PXN: variants seen among roughly 807,000 people sequenced by gnomAD.
PXN encodes paxillin.
PXN carries 61 observed loss-of-function variants against 103.6 expected under a neutral mutation model. The ratio of observed to expected loss-of-function variants is 0.59; its 90% confidence interval spans 0.48 to 0.73. The LOEUF is 0.73. Among genes scored for constraint, PXN ranks in the 30% least tolerant of loss-of-function variants. The pLI is 0.00. For synonymous variants in PXN, 562 were observed against 607.8 expected (o/e 0.92, Z 1.11); for missense variants, 1,274 against 1,460.3 (o/e 0.87, Z 2.08).
chr12:120,212,687 C>A lies in PXN; in HGVS notation c.2980-107G>T. Reference sequence around the variant, plus strand: ...GTCGGCACGCTCGGAGTGACTCCTACTTGCTAGGCGTTTCCCATGTGCCGT... The same window carrying A: ...GTCGGCACGCTCGGAGTGACTCCTAATTGCTAGGCGTTTCCCATGTGCCGT... On this transcript the variant is annotated intron_variant, in intron 14 of 14. Coordinates refer to ENST00000637617, the MANE Select transcript of PXN (RefSeq NM_001385981.1). The surrounding 1 kb of genome is among the most constrained non-coding windows in gnomAD (Gnocchi z 7.2). The A allele has an allele frequency of 7.5e-7, 1 of 1,328,148 alleles. No homozygotes were observed. The highest frequency in any genetic ancestry group is 1.0e-6 in the Non-Finnish European group (1 of 968,980). 82.3% of individuals were successfully genotyped at this position (1,328,148 alleles called of 1,614,324 possible). A position where few individuals can be genotyped will look rare whatever the true frequency, so the allele number is the denominator to read the frequency against.
chr12:120,212,092 C>T lies in PXN; in HGVS notation c.*222G>A. 2.6e-6 allele frequency: 2 copies of T among 768,860 alleles called. No individual in the cohort carries two copies. Among genetic ancestry groups the T allele is most frequent in the Admixed American group, 1.8e-5 (1 of 57,030 alleles). 47.6% of individuals were successfully genotyped at this position (768,860 alleles called of 1,614,324 possible). On this transcript the variant is annotated 3_prime_UTR_variant, in exon 15 of 15. Transcript: ENST00000637617. This position sits in a 1 kb window ranked among gnomAD's most constrained non-coding sequence, Gnocchi z 7.2. ...CTGGGGAGGATGGAGAGTGGGCAGC[C>T]TAGGGAGAGCTACAGGAGGGAGGAG...
intron 1 of PXN, among the ~76,000 whole-genome samples, chr12:120,230,534 A>C (rs960922015): frequency 6.6e-6 from 1 of 152,106 alleles, no homozygotes; most frequent in Admixed American, 6.5e-5. Flanking sequence ...CTATGTAAAC[A>C]GCAGGACCAG....
rs746047714 is a variant in PXN, at chr12:120,222,923, G to C, written c.433C>G (p.Leu145Val). ...TTCAGTTCCAGCAGCAGGCGGTCGAGTTCAGAAAGGTTGCTGCCCAGGGAC... is the reference window on the plus strand; with the variant it reads ...TTCAGTTCCAGCAGCAGGCGGTCGACTTCAGAAAGGTTGCTGCCCAGGGAC... ...STSLGSNLSE[L>V]DRLLLELNAV... The change falls in exon 4 of 15, where the codon CTC becomes GTC. Residue 145 changes from leucine to valine, a missense_variant. Physicochemically the swap from Leu to Val is conservative, Grantham distance 32. Around this residue, in one of 2 missense-constraint regions of PXN, gnomAD observed 1,178 missense variants for 1,309.0 expected, o/e 0.90. Transcript: ENST00000637617. This position sits in a 1 kb window ranked among gnomAD's most constrained non-coding sequence, Gnocchi z 4.7. 1.2e-6 allele frequency: 2 copies of C among 1,614,006 alleles called. No homozygotes were observed. Among genetic ancestry groups the C allele is most frequent in the African/African-American group, 1.3e-5 (1 of 75,072 alleles).
At position 120,224,082 on chromosome 12, in the gene PXN, GC is replaced by G. The variant is rs1566391557; in HGVS notation, c.240+68del. On this transcript the variant is annotated intron_variant, in intron 2 of 14. Transcript: ENST00000637617. This position sits in a 1 kb window ranked among gnomAD's most constrained non-coding sequence, Gnocchi z 5.0. ...TCCATTCCATCCCCTGGCTCCCTAAGCCCCTGCCAGCTAAGTTCCCTCTGTC... is the reference window on the plus strand; with the variant it reads ...TCCATTCCATCCCCTGGCTCCCTAAGCCCTGCCAGCTAAGTTCCCTCTGTC... The G allele has an allele frequency of 7.8e-7, 1 of 1,287,506 alleles. No individual in the cohort carries two copies. The highest frequency in any genetic ancestry group is 1.1e-6 in the Non-Finnish European group (1 of 937,172). 79.8% of individuals were successfully genotyped at this position (1,287,506 alleles called of 1,614,324 possible).
At position 120,214,938 on chromosome 12, in the gene PXN, C is replaced by G; in HGVS notation, c.2635G>C (p.Glu879Gln). Reference protein sequence around the residue: ...PEHFVCTHCQEEIGSRNFFER... With the variant: ...PEHFVCTHCQQEIGSRNFFER... ...AAGAAGTTCCGGGATCCGATCTCCT[C>G]CTGGCAGTGGGTGCAGACGAAGTGC... Residue 879 changes from glutamate to glutamine, a missense_variant, in exon 12 of 15, where the codon GAG (glutamate) becomes CAG (glutamine). Physicochemically the swap from Glu to Gln is conservative, Grantham distance 29 (BLOSUM62 2). This residue lies in a region of PXN where 1,178 missense variants were observed against 1,309.0 expected (regional missense o/e 0.90). Coordinates refer to ENST00000637617, the MANE Select transcript of PXN (RefSeq NM_001385981.1). The surrounding 1 kb of genome is among the most constrained non-coding windows in gnomAD (Gnocchi z 5.0). The G allele has an allele frequency of 6.2e-7, 1 of 1,614,042 alleles. No homozygotes were observed.
Position 120,219,601 on chromosome 12 carries a change from G to T in PXN, c.1322C>A (p.Ser441Ter). 1.3e-6 allele frequency: 2 copies of T among 1,565,318 alleles called. No individual in the cohort carries two copies. The change falls in exon 7 of 15, where the codon TCG (serine) becomes TAG (stop). Residue 441 changes from serine to a stop codon, truncating the protein, a stop_gained. Coordinates refer to ENST00000637617, the MANE Select transcript of PXN (RefSeq NM_001385981.1). LOFTEE classifies it high-confidence loss of function. The surrounding 1 kb of genome is among the most constrained non-coding windows in gnomAD (Gnocchi z 6.5). ...CATTCTCTCAGGCCCGAATACCTCCGAAGCCCATGGCTGCTCCCATGTGGC... is the reference window on the plus strand; with the variant it reads ...CATTCTCTCAGGCCCGAATACCTCCTAAGCCCATGGCTGCTCCCATGTGGC... Reference protein sequence around the residue: ...LAATWEQPWASEVFGPERMPP... With the variant: ...LAATWEQPWA
Position 120,219,890 on chromosome 12 carries a change from C to T in PXN, c.1033G>A (p.Ala345Thr). 4 of 1,598,406 alleles carry T rather than the reference C, an allele frequency of 2.5e-6. No homozygotes were observed. The highest frequency in any genetic ancestry group is 2.5e-6 in the Non-Finnish European group (3 of 1,179,782). Residue 345 changes from alanine to threonine, a missense_variant, in exon 7 of 15, where the codon GCC (alanine) becomes ACC (threonine). Physicochemically the swap from Ala to Thr is moderately conservative, Grantham distance 58. This residue lies in a region of PXN where 1,178 missense variants were observed against 1,309.0 expected (regional missense o/e 0.90). Coordinates refer to ENST00000637617, the MANE Select transcript of PXN (RefSeq NM_001385981.1). The surrounding 1 kb of genome is among the most constrained non-coding windows in gnomAD (Gnocchi z 6.5). ...QSGRGLLPPVAPSWLDLAGLG... is the reference protein window; with the variant it reads ...QSGRGLLPPVTPSWLDLAGLG... ...CCAGCCAAATCAAGCCAGCTGGGGG[C>T]TACAGGAGGTAGAAGGCCTCGTCCA...
At position 120,219,756 on chromosome 12, in the gene PXN, G is replaced by T. The variant is rs1269198931; in HGVS notation, c.1167C>A (p.Thr389=). 1 of 1,597,552 alleles carries T rather than the reference G, an allele frequency of 6.3e-7. No individual in the cohort carries two copies. Among genetic ancestry groups the T allele is most frequent in the African/African-American group, 1.3e-5 (1 of 75,020 alleles). ...SQGRDWRHLP[T]ITSELSGAPR... is the part of the protein sequence containing the mutation. ...GAGCCCCAGAGAGCTCACTTGTGAT[G>T]GTCGGCAGGTGCCTCCAATCTCGAC... The change falls in exon 7 of 15, where the codon ACC becomes ACA. Residue 389 remains threonine, a synonymous_variant. Coordinates refer to ENST00000637617, the MANE Select transcript of PXN (RefSeq NM_001385981.1). The surrounding 1 kb of genome is among the most constrained non-coding windows in gnomAD (Gnocchi z 6.5).
intron 1 of PXN, among the ~76,000 whole-genome samples, chr12:120,243,411 C>T (rs1151827): frequency 0.27 from 40,656 of 152,024 alleles, 7,865 homozygotes; most frequent in East Asian, 0.56. Flanking sequence ...AACAAAAGGC[C>T]GGGCATGGTG....
intron 1 of PXN, among the ~76,000 whole-genome samples, chr12:120,239,213 G>A (rs1172175126): frequency 2.0e-5 from 3 of 152,124 alleles, no homozygotes; most frequent in Non-Finnish European, 2.9e-5. Flanking sequence ...TTGGGAGCCC[G>A]AGGCCAACGG....
chr12:120,235,449 C>T (rs572065343), intron 1 of PXN, among the ~76,000 whole-genome samples: 4 of 152,236 alleles, frequency 2.6e-5, no homozygotes, highest in East Asian at 3.9e-4. Context: ...TAAGGCCCCA[C>T]GAGGACTGCG....
chr12:120,216,467 GAGA>G lies in PXN; in HGVS notation c.2104_2106del (p.Ser702del). ...GAGGAGGCGAGCAGGCTGGGCAGGG[GAGA>G]AGAGCTGCTGGCCGCGGCGTCTGTG... On this transcript the variant is annotated inframe_deletion, in exon 9 of 15. Coordinates refer to ENST00000637617, the MANE Select transcript of PXN (RefSeq NM_001385981.1). This position sits in a 1 kb window ranked among gnomAD's most constrained non-coding sequence, Gnocchi z 5.1. The G allele has an allele frequency of 7.2e-7, 1 of 1,386,632 alleles. No individual in the cohort carries two copies. The highest frequency in any genetic ancestry group is 9.3e-7 in the Non-Finnish European group (1 of 1,079,972). 85.9% of individuals were successfully genotyped at this position (1,386,632 alleles called of 1,614,324 possible).
Position 120,211,976 on chromosome 12 carries a change from T to G in PXN, c.*338A>C. ...CTGCCCCCCGGCTGCACTGCTGAAATATGAGGAAGAGATGGCTCCAGTGTG... is the reference window on the plus strand; with the variant it reads ...CTGCCCCCCGGCTGCACTGCTGAAAGATGAGGAAGAGATGGCTCCAGTGTG... On this transcript the variant is annotated 3_prime_UTR_variant, in exon 15 of 15. Transcript: ENST00000637617. 2 of 579,190 alleles carry G rather than the reference T, an allele frequency of 3.5e-6. No homozygotes were observed. The highest frequency in any genetic ancestry group is 4.3e-5 in the East Asian group (1 of 23,368). 35.9% of individuals were successfully genotyped at this position (579,190 alleles called of 1,614,324 possible). A position where few individuals can be genotyped will look rare whatever the true frequency, so the allele number is the denominator to read the frequency against.
intron 1 of PXN, among the ~76,000 whole-genome samples, chr12:120,245,860 C>T (rs12164847): frequency 0.15 from 22,520 of 149,158 alleles, 1,987 homozygotes; most frequent in East Asian, 0.45. Flanking sequence ...AGGTGGACTA[C>T]ATAGTACGGG....
At chr12:120,237,531 C>T (rs1033368501) in intron 1 of PXN, among the ~76,000 whole-genome samples, 2 of 152,084 alleles carry the variant, frequency 1.3e-5, no homozygotes, top group Admixed American at 1.3e-4. Context: ...CAGACACACC[C>T]TTGGTGTCAT....
At chr12:120,223,491 C>G (rs780593760) in intron 3 of PXN, among the ~76,000 whole-genome samples, 1 of 152,162 alleles carries the variant, frequency 6.6e-6, no homozygotes. Context: ...TGCTTCAGTT[C>G]CTCAGCTACA....
In PXN at chr12:120,217,476, CA is replaced by C. The variant is rs1466839847; in HGVS notation, c.1717-361del. Among the ~76,000 whole-genome samples the C allele has an allele frequency of 2.0e-5, 3 of 152,236 alleles. No homozygotes were observed. The highest frequency in any genetic ancestry group is 2.9e-5 in the Non-Finnish European group (2 of 68,044). On this transcript the variant is annotated intron_variant, in intron 7 of 14. Transcript: ENST00000637617. The surrounding 1 kb of genome is among the most constrained non-coding windows in gnomAD (Gnocchi z 4.1). ...TTCTTGGCTTACCGCACAGGGTTTG[CA>C]CAAGAATTATTCCAGAGGATGTAAG... is the stretch of plus-strand genomic sequence containing the variant.
Position 120,238,061 on chromosome 12 carries a change from G to A in PXN, c.14-13684C>T, listed in dbSNP as rs567966717. 2.8e-4 allele frequency among the ~76,000 whole-genome samples: 43 copies of A among 152,316 alleles called. No individual in the cohort carries two copies. In the South Asian group the frequency reaches 7.0e-3, roughly 25 times the overall value. On this transcript the variant is annotated intron_variant, in intron 1 of 14. Transcript: ENST00000637617. ...AGGCCCGGAGCCTTGCCAACTCTCC[G>A]CATGGGGAAATCTGCCTCTTCCTGG... is the stretch of plus-strand genomic sequence containing the variant.
chr12:120,248,536 A>G (rs952059950), intron 1 of PXN, among the ~76,000 whole-genome samples: 2 of 143,594 alleles, frequency 1.4e-5, no homozygotes, highest in African/African-American at 5.2e-5. Context: ...ACACACACAC[A>G]CACACCAGAC....
Sources: gnomAD v4.1 joint callset for allele counts (sites outside exome capture counted in the v4.1 genomes callset) on GRCh38, gnomAD v4.1.1 for gene constraint, gnomAD v4.1.1 regional missense constraint, Gnocchi (gnomAD v3.1) non-coding constraint, MANE v1.5 for transcripts, NCBI Gene and HGNC (gene_info 2026-07-23, HGNC 2026-07-21) for gene names.